Variants in SPATA16 observed in about 807,000 individuals in gnomAD.
The protein encoded by SPATA16 is spermatogenesis-associated protein 16.
In SPATA16, 36 loss-of-function variants were observed where a neutral mutation model predicts 63.3. That is an observed-to-expected ratio of 0.57 (90% CI 0.44 to 0.75). The LOEUF (loss-of-function observed/expected upper bound fraction) is 0.75, where lower values mean the gene tolerates loss of function less well. Among genes scored for constraint, SPATA16 ranks in the 30% least tolerant of loss-of-function variants. SPATA16 has a pLI of 0.00. For synonymous variants in SPATA16, 203 were observed against 216.7 expected, an observed-to-expected ratio of 0.94 and a Z score of 0.56; for missense variants, 646 against 679.3, an observed-to-expected ratio of 0.95 and a Z score of 0.54.
intron 2 of SPATA16, among the ~76,000 whole-genome samples, chr3:173,087,998 TTTTCTTTCCGTCTTTCTTTCTTTC>T (rs1460351335): frequency 1.5e-4 from 22 of 146,382 alleles, no homozygotes; most frequent in African/African-American, 5.2e-4. Flanking sequence ...ATGATTAGCA[TTTTCTTTCCGTCTTTCTTTCTTTC>T]TTTCTTTCTT....
At chr3:173,016,901 C>A (rs1735202182) in intron 4 of SPATA16, among the ~76,000 whole-genome samples, 1 of 151,924 alleles carries the variant, frequency 6.6e-6, no homozygotes, top group Admixed American at 6.6e-5. Context: ...ATAGACCCAG[C>A]TACTCAGGAG....
chr3:173,058,156 ATAC>A (rs1736293676), intron 2 of SPATA16, among the ~76,000 whole-genome samples: 1 of 152,150 alleles, frequency 6.6e-6, no homozygotes, highest in African/African-American at 2.4e-5. Flanking sequence ...ATTGTTATCC[ATAC>A]TACTATGTAA....
chr3:173,125,162 C>A lies in SPATA16; in HGVS notation c.-18-7413G>T, dbSNP rs146372807. On this transcript the variant is annotated intron_variant, in intron 1 of 10. Coordinates refer to ENST00000351008, the MANE Select transcript of SPATA16 (RefSeq NM_031955.6). ...CCAGTGCATGCCAACCACATCCCCC[C>A]AGTTGGCCAAGATAGAGCTTTACAA... Among the ~76,000 whole-genome samples the A allele has an allele frequency of 1.8e-4, 28 of 152,304 alleles. No individual in the cohort carries two copies. The East Asian group carries it at 4.6e-3, about 25-fold the overall frequency.
At chr3:173,047,427 T>C (rs1024497625) in intron 3 of SPATA16, among the ~76,000 whole-genome samples, 1 of 151,954 alleles carries the variant, frequency 6.6e-6, no homozygotes, top group Non-Finnish European at 1.5e-5. Context: ...ATGGAGAAGG[T>C]GAGGTATAAT....
chr3:172,958,374 T>C (rs2108235861), intron 5 of SPATA16, among the ~76,000 whole-genome samples: 2 of 152,262 alleles, frequency 1.3e-5, no homozygotes, highest in South Asian at 4.1e-4. Context: ...GAAGGTATTT[T>C]ATATTGAGGA....
At chr3:172,966,716 AT>A (rs1733927559) in intron 5 of SPATA16, among the ~76,000 whole-genome samples, 1 of 152,196 alleles carries the variant, frequency 6.6e-6, no homozygotes, top group Admixed American at 6.5e-5. Flanking sequence ...AAAGAGGAGA[AT>A]TTATTTTAAT....
intron 5 of SPATA16, among the ~76,000 whole-genome samples, chr3:172,970,788 A>G (rs1734030823): frequency 6.6e-6 from 1 of 152,180 alleles, no homozygotes; most frequent in South Asian, 2.1e-4. Context: ...TTCAGAGAAA[A>G]CACATTTCTC....
chr3:172,980,306 A>C (rs563771850), intron 4 of SPATA16, among the ~76,000 whole-genome samples: 23 of 152,314 alleles, frequency 1.5e-4, no homozygotes, highest in African/African-American at 5.3e-4. Flanking sequence ...CATGAATCAA[A>C]TGTAAACAGT....
chr3:172,949,211 A>T (rs1165143321), intron 6 of SPATA16, among the ~76,000 whole-genome samples: 1 of 151,710 alleles, frequency 6.6e-6, no homozygotes, highest in African/African-American at 2.4e-5. Context: ...GAATGTTTTT[A>T]AAAATAAAAC....
At chr3:173,101,852 C>G (rs1419301863) in intron 2 of SPATA16, among the ~76,000 whole-genome samples, 1 of 152,108 alleles carries the variant, frequency 6.6e-6, no homozygotes, top group Non-Finnish European at 1.5e-5. Flanking sequence ...TCTTTAGTCC[C>G]TGAACCACTA....
At chr3:172,943,974 T>C (rs1205114493) in intron 6 of SPATA16, among the ~76,000 whole-genome samples, 1 of 152,102 alleles carries the variant, frequency 6.6e-6, no homozygotes, top group Non-Finnish European at 1.5e-5. Flanking sequence ...TTTTAAGAAT[T>C]CTTCTATTTA....
chr3:173,088,026 CTT>C (rs1491143049), intron 2 of SPATA16, among the ~76,000 whole-genome samples: 27 of 120,590 alleles, frequency 2.2e-4, no homozygotes, highest in African/African-American at 8.2e-4. Flanking sequence ...TTCTTTCTTT[CTT>C]TCTTTCTTTC....
chr3:173,033,841 A>G (rs1333926835), intron 3 of SPATA16, among the ~76,000 whole-genome samples: 2 of 152,082 alleles, frequency 1.3e-5, no homozygotes, highest in African/African-American at 4.8e-5. Context: ...GGTAGCTGGG[A>G]CTACAGGTGT....
chr3:173,077,364 G>T (rs1736832068), intron 2 of SPATA16, among the ~76,000 whole-genome samples: 1 of 152,140 alleles, frequency 6.6e-6, no homozygotes, highest in Admixed American at 6.6e-5. Flanking sequence ...TACTTTAGGA[G>T]AAAAGAGGTA....
Position 173,125,043 on chromosome 3 carries a change from T to C in SPATA16, c.-18-7294A>G, listed in dbSNP as rs141513099. On this transcript the variant is annotated intron_variant, in intron 1 of 10. Transcript: ENST00000351008. ...ACATTATACATCTTAAATTATCTAA[T>C]ACATCTTAACAATACCAAATATACA... is the stretch of plus-strand genomic sequence containing the variant. Among the ~76,000 whole-genome samples, 5 of 152,306 alleles carry C rather than the reference T, an allele frequency of 3.3e-5. No individual in the cohort carries two copies. In the East Asian group the frequency reaches 9.6e-4, roughly 29 times the overall value.
intron 1 of SPATA16, among the ~76,000 whole-genome samples, chr3:173,124,855 C>G (rs970124609): frequency 6.6e-6 from 1 of 151,934 alleles, no homozygotes; most frequent in Non-Finnish European, 1.5e-5. Flanking sequence ...CACATGGAGC[C>G]CCTTCTTTTC....
rs564743377 is a variant in SPATA16, at chr3:172,964,711, G to A, written c.934-7887C>T. On this transcript the variant is annotated intron_variant, in intron 5 of 10. Coordinates refer to ENST00000351008, the MANE Select transcript of SPATA16 (RefSeq NM_031955.6). ...TGTTTTTTGATTGTATTTCTTGACC[G>A]TGGTTTTAAAGTGGGGTATGCCTTG... Among the ~76,000 whole-genome samples the A allele has an allele frequency of 5.9e-5, 9 of 152,224 alleles. No individual in the cohort carries two copies. The South Asian group carries it at 1.0e-3, about 18-fold the overall frequency.
At chr3:173,122,311 C>T (rs1362057155) in intron 1 of SPATA16, among the ~76,000 whole-genome samples, 1 of 151,942 alleles carries the variant, frequency 6.6e-6, no homozygotes, top group African/African-American at 2.4e-5. Context: ...AGTATTTCAT[C>T]AAGTGTTCTG....
intron 2 of SPATA16, among the ~76,000 whole-genome samples, chr3:173,089,794 A>G (rs573987863): frequency 6.6e-6 from 1 of 152,284 alleles, no homozygotes; most frequent in Non-Finnish European, 1.5e-5. Context: ...AGGTGCTGGT[A>G]AACTGCGGAA....
Sources: gnomAD v4.1 joint callset for allele counts (sites outside exome capture counted in the v4.1 genomes callset) on GRCh38, gnomAD v4.1.1 for gene constraint, MANE v1.5 for transcripts, NCBI Gene and HGNC (gene_info 2026-07-23, HGNC 2026-07-21) for gene names.